The following CEP57 variants were observed in gnomAD, a reference collection of about 807,000 sequenced individuals.
CEP57 encodes centrosomal protein 57.
In CEP57, 40 loss-of-function variants were observed where a neutral mutation model predicts 68.0. That is an observed-to-expected ratio of 0.59 (90% CI 0.46 to 0.77). The LOEUF is 0.77. Ranked by LOEUF, CEP57 falls within the 30% of genes least tolerant of loss-of-function variation. The pLI, the probability that CEP57 is intolerant of heterozygous loss-of-function variation, is 0.00. For missense variants in CEP57, 606 were observed against 580.7 expected (o/e 1.04, Z -0.45); for synonymous variants, 219 against 198.7 (o/e 1.10, Z -0.86).
At chr11:95,801,683 G>A (rs1222615296) in intron 2 of CEP57, among the ~76,000 whole-genome samples, 1 of 151,650 alleles carries the variant, frequency 6.6e-6, no homozygotes, top group African/African-American at 2.4e-5. Context: ...CAAATTACTA[G>A]CAAAGAATAA....
intron 2 of CEP57, among the ~76,000 whole-genome samples, chr11:95,811,944 CAT>C (rs56097514): frequency 0.59 from 89,619 of 151,462 alleles, 28,603 homozygotes; most frequent in African/African-American, 0.85. Context: ...AAAAAACCTA[CAT>C]ATTTGTTTTG....
At chr11:95,796,768 C>T (rs1203073109) in intron 1 of CEP57, among the ~76,000 whole-genome samples, 2 of 152,192 alleles carry the variant, frequency 1.3e-5, no homozygotes, top group African/African-American at 2.4e-5. Flanking sequence ...AGTCAGAGTT[C>T]GCAGAGCATC....
At position 95,831,190 on chromosome 11, in the gene CEP57, G is replaced by C. The variant is rs920556657; in HGVS notation, c.1437G>C (p.Gln479His). The change falls in exon 11 of 11, where the codon CAG becomes CAC. Residue 479 changes from glutamine (Q) to histidine (H), a missense_variant. Transcript: ENST00000325542. ...GAGAAAAAAGGAGAAAAAATCTTCA[G>C]TTATTGAAGGACATGCAAAGCATAC... ...RPGEKRRKNL[Q>H]LLKDMQSIQN... 3 of 1,613,536 alleles carry C rather than the reference G, an allele frequency of 1.9e-6. No individual in the cohort carries two copies. The East Asian group carries it at 6.7e-5, about 36-fold the overall frequency.
At chr11:95,817,421 AAGAT>A (rs1211211023) in intron 4 of CEP57, among the ~76,000 whole-genome samples, 5 of 152,138 alleles carry the variant, frequency 3.3e-5, no homozygotes, top group Non-Finnish European at 5.9e-5. Context: ...GAAATATGAA[AAGAT>A]AGATACCAAA....
chr11:95,819,899 G>T (rs887681764), intron 6 of CEP57, among the ~76,000 whole-genome samples: 3 of 134,236 alleles, frequency 2.2e-5, no homozygotes, highest in African/African-American at 5.1e-5. Context: ...TGATCAATTT[G>T]TAGATTTGTT....
In CEP57 at chr11:95,804,687, A is replaced by G. The variant is rs952593146; in HGVS notation, c.202+5299A>G. 7.9e-5 allele frequency among the ~76,000 whole-genome samples: 12 copies of G among 152,306 alleles called. No homozygotes were observed. The South Asian group carries it at 1.4e-3, about 18-fold the overall frequency. ...TACGTGAAGACTTGAATACATAATGAGAGCTATACATTGTTAATGAAAATG... is the reference window on the plus strand; with the variant it reads ...TACGTGAAGACTTGAATACATAATGGGAGCTATACATTGTTAATGAAAATG... On this transcript the variant is annotated intron_variant, in intron 2 of 10. Coordinates refer to ENST00000325542, the MANE Select transcript of CEP57 (RefSeq NM_014679.5).
intron 8 of CEP57, chr11:95,827,573 GT>G (rs1862797598): frequency 1.8e-6 from 1 of 562,792 alleles, no homozygotes; most frequent in East Asian, 3.1e-5. Context: ...GCTCAATGAT[GT>G]GTATGTAGGG....
intron 4 of CEP57, 149 bp downstream of exon 4, chr11:95,813,738 G>A (rs1284240926): frequency 1.2e-6 from 1 of 841,814 alleles, no homozygotes; most frequent in African/African-American, 1.7e-5. Context: ...ATCTAAATAT[G>A]TGATTGGCTT....
chr11:95,828,744 T>C (rs1862864808), intron 9 of CEP57, among the ~76,000 whole-genome samples: 1 of 152,204 alleles, frequency 6.6e-6, no homozygotes, highest in African/African-American at 2.4e-5. Context: ...TCTTGAACTT[T>C]TAAATTCATA....
chr11:95,790,787 C>A, intron 1 of CEP57, 44 bp downstream of exon 1: 1 of 1,609,430 alleles, frequency 6.2e-7, no homozygotes, highest in Non-Finnish European at 8.5e-7. Flanking sequence ...CGGCCCTAAG[C>A]GCCTCTTTGA....
At chr11:95,798,943 A>C (rs974354142) in intron 1 of CEP57, among the ~76,000 whole-genome samples, 2 of 152,190 alleles carry the variant, frequency 1.3e-5, no homozygotes, top group Non-Finnish European at 2.9e-5. Flanking sequence ...ATATATTTTT[A>C]ACTGCGGTAT....
chr11:95,822,269 A>G, intron 7 of CEP57: 1 of 583,698 alleles, frequency 1.7e-6, no homozygotes, highest in Admixed American at 3.0e-5. Context: ...CTGATTTTCT[A>G]CTTAGAATGT....
rs117876788 is a variant in CEP57 at position 95,793,788 on chromosome 11, A to G, written c.45+3045A>G. ...AGTTCTCTAGCTAGTAAATGACAGT[A>G]TCTTAATGGGCTTTGGATTTAATGG... On this transcript the variant is annotated intron_variant, in intron 1 of 10. Transcript: ENST00000325542. 4.9e-4 allele frequency among the ~76,000 whole-genome samples: 74 copies of G among 152,354 alleles called. No individual in the cohort carries two copies. The East Asian group carries it at 0.011, about 23-fold the overall frequency.
At chr11:95,804,207 A>G (rs555381928) in intron 2 of CEP57, among the ~76,000 whole-genome samples, 107 of 152,364 alleles carry the variant, frequency 7.0e-4, no homozygotes, top group Non-Finnish European at 2.6e-4. Context: ...ATACAAATAA[A>G]AACGATGGAT....
chr11:95,810,980 C>G (rs561000384), intron 2 of CEP57, among the ~76,000 whole-genome samples: 27 of 152,342 alleles, frequency 1.8e-4, no homozygotes, highest in African/African-American at 6.0e-4. Context: ...TACTTTTACA[C>G]TGTTGGTGGG....
Position 95,817,935 on chromosome 11 carries a change from A to G in CEP57, c.621+32A>G. 3.0e-6 allele frequency: 4 copies of G among 1,335,096 alleles called. No homozygotes were observed. In the South Asian group the frequency reaches 3.5e-5, roughly 12 times the overall value. The allele number at this position is 1,335,096 out of a possible 1,614,324, so 82.7% of individuals were successfully genotyped here. Reference sequence around the variant, plus strand: ...GCATGTGTCTTTTTATTGTTAACATATATCAGGGTGGTTTTTTTTTAATGT... The same window carrying G: ...GCATGTGTCTTTTTATTGTTAACATGTATCAGGGTGGTTTTTTTTTAATGT... On this transcript the variant is annotated intron_variant, in intron 5 of 10. Coordinates refer to ENST00000325542, the MANE Select transcript of CEP57 (RefSeq NM_014679.5).
intron 2 of CEP57, among the ~76,000 whole-genome samples, chr11:95,801,080 G>T (rs11021323): frequency 0.03 from 4,639 of 152,124 alleles, 143 homozygotes; most frequent in East Asian, 0.13. Flanking sequence ...GTTTCAGTTG[G>T]GATATATATT....
chr11:95,819,940 A>AT (rs1214043652), intron 6 of CEP57, among the ~76,000 whole-genome samples: 1 of 152,176 alleles, frequency 6.6e-6, no homozygotes, highest in Non-Finnish European at 1.5e-5. Flanking sequence ...TTTCTGAGTT[A>AT]TATAGCCACA....
At chr11:95,808,863 A>G (rs965450152) in intron 2 of CEP57, among the ~76,000 whole-genome samples, 4 of 152,228 alleles carry the variant, frequency 2.6e-5, no homozygotes, top group Admixed American at 6.5e-5. Context: ...CCTAATAGAC[A>G]TCTACAGAAC....
Sources: gnomAD v4.1 joint callset for allele counts (sites outside exome capture counted in the v4.1 genomes callset) on GRCh38, gnomAD v4.1.1 for gene constraint, MANE v1.5 for transcripts, NCBI Gene and HGNC (gene_info 2026-07-23, HGNC 2026-07-21) for gene names.